The following CDH18 variants were observed in gnomAD, a reference collection of about 807,000 sequenced individuals.
CDH18 encodes the protein cadherin-18.
A neutral mutation model predicts 67.9 loss-of-function variants in CDH18; 31 were observed. The ratio of observed to expected loss-of-function variants is 0.46; its 90% confidence interval spans 0.34 to 0.62. The LOEUF is 0.62. Among genes scored for constraint, CDH18 ranks in the 20% least tolerant of loss-of-function variants. The probability of loss-of-function intolerance (pLI) is 0.01; values close to 1 mark genes in which losing one functional copy is unlikely to be tolerated. For missense variants in CDH18, 890 were observed against 975.5 expected (o/e 0.91, Z 1.17); for synonymous variants, 362 against 347.2 (o/e 1.04, Z -0.48).
intron 4 of CDH18, among the ~76,000 whole-genome samples, chr5:19,731,265 T>C (rs1468583506): frequency 6.6e-6 from 1 of 152,000 alleles, no homozygotes; most frequent in Non-Finnish European, 1.5e-5. Context: ...CTGGCTAACA[T>C]GGTGAAACCC....
intron 2 of CDH18, among the ~76,000 whole-genome samples, chr5:20,059,980 TG>T (rs1289162940): frequency 2.3e-5 from 2 of 86,164 alleles, no homozygotes; most frequent in East Asian, 7.6e-4. Flanking sequence ...TGTCGGGGGC[TG>T]GGGGGCTAGG....
At chr5:20,237,619 T>C (rs1343185217) in intron 2 of CDH18, among the ~76,000 whole-genome samples, 1 of 151,882 alleles carries the variant, frequency 6.6e-6, no homozygotes, top group African/African-American at 2.4e-5. Flanking sequence ...ATAAAATATC[T>C]GTACTATAAA....
chr5:20,009,377 A>G (rs543321124), intron 2 of CDH18, among the ~76,000 whole-genome samples: 2 of 152,254 alleles, frequency 1.3e-5, no homozygotes, highest in East Asian at 3.9e-4. Context: ...TAATAAATGT[A>G]ATAAATGTAC....
chr5:19,562,675 T>C (rs1405744406), intron 8 of CDH18, among the ~76,000 whole-genome samples: 1 of 152,218 alleles, frequency 6.6e-6, no homozygotes, highest in African/African-American at 2.4e-5. Context: ...GTTTATTTTA[T>C]AGGTAGTGCC....
chr5:20,261,107 T>C (rs1487111994), intron 1 of CDH18, among the ~76,000 whole-genome samples: 1 of 152,200 alleles, frequency 6.6e-6, no homozygotes, highest in Non-Finnish European at 1.5e-5. Context: ...ACATTAGGAA[T>C]CCATAAATTC....
At chr5:20,504,595 A>G (rs1754539860) in intron 1 of CDH18, among the ~76,000 whole-genome samples, 1 of 152,132 alleles carries the variant, frequency 6.6e-6, no homozygotes, top group South Asian at 2.1e-4. Context: ...AGAGATTGCT[A>G]TAATTAGTAT....
intron 2 of CDH18, among the ~76,000 whole-genome samples, chr5:19,846,459 G>A (rs1459881310): frequency 6.6e-6 from 1 of 151,944 alleles, no homozygotes; most frequent in Non-Finnish European, 1.5e-5. Flanking sequence ...TTCTGTTTTT[G>A]CCTATATATT....
chr5:20,293,179 T>TGG (rs1747233659), intron 1 of CDH18, among the ~76,000 whole-genome samples: 1 of 151,610 alleles, frequency 6.6e-6, no homozygotes, highest in Non-Finnish European at 1.5e-5. Flanking sequence ...TATCCGAGAG[T>TGG]GGTAGTGGGC....
intron 2 of CDH18, among the ~76,000 whole-genome samples, chr5:19,935,750 T>C (rs1794177607): frequency 1.3e-5 from 2 of 150,814 alleles, no homozygotes; most frequent in Non-Finnish European, 3.0e-5. Flanking sequence ...TCTTAATGTA[T>C]TGGTTGTTCA....
Position 19,741,239 on chromosome 5 carries a change from ATATATG to A in CDH18, c.523+5697_523+5702del, listed in dbSNP as rs1236561292. 9.2e-4 allele frequency among the ~76,000 whole-genome samples: 24 copies of A among 26,212 alleles called. No homozygotes were observed. The Non-Finnish European group carries it at 0.015, about 16-fold the overall frequency. 17.2% of individuals were successfully genotyped at this position (26,212 alleles called of 152,430 possible). A position where few individuals can be genotyped will look rare whatever the true frequency, so the allele number is the denominator to read the frequency against. ...TGTATATATACATGTATATATGTAC[ATATATG>A]TATGTATATATGTATACATATATAC... On this transcript the variant is annotated intron_variant, in intron 4 of 12. Coordinates refer to ENST00000382275, the MANE Select transcript of CDH18 (RefSeq NM_004934.5).
chr5:19,868,873 G>C (rs972415084), intron 2 of CDH18, among the ~76,000 whole-genome samples: 1 of 152,156 alleles, frequency 6.6e-6, no homozygotes. Context: ...AAGAGAAGAA[G>C]AAACCAGAGG....
At chr5:19,955,413 G>T (rs1356044399) in intron 2 of CDH18, among the ~76,000 whole-genome samples, 1 of 152,002 alleles carries the variant, frequency 6.6e-6, no homozygotes, top group East Asian at 1.9e-4. Context: ...CAAAAACACT[G>T]GGTATTTTAA....
rs574707696 is a variant in CDH18 at position 20,003,909 on chromosome 5, A to G, written c.-517-11895T>C. 9.8e-5 allele frequency among the ~76,000 whole-genome samples: 15 copies of G among 152,300 alleles called. No homozygotes were observed. The East Asian group carries it at 2.7e-3, about 27-fold the overall frequency. On this transcript the variant is annotated intron_variant, in intron 2 of 14. Coordinates refer to the CDH18 transcript ENST00000507958. ...GAGACTCCGTCTCAAAAAACAAACA[A>G]ACAAACAAAAACAAACAAACAAAAA...
chr5:20,291,849 AC>A (rs1747129682), intron 1 of CDH18, among the ~76,000 whole-genome samples: 3 of 152,272 alleles, frequency 2.0e-5, no homozygotes, highest in African/African-American at 7.2e-5. Flanking sequence ...TATTTTATTT[AC>A]TTTACCATAG....
intron 9 of CDH18, among the ~76,000 whole-genome samples, chr5:19,529,745 T>C (rs1188986184): frequency 2.0e-5 from 3 of 152,092 alleles, no homozygotes; most frequent in Non-Finnish European, 2.9e-5. Flanking sequence ...ATACGTGAAA[T>C]GTTTGTATGC....
intron 1 of CDH18, among the ~76,000 whole-genome samples, chr5:20,560,802 A>G (rs1446145324): frequency 2.0e-5 from 3 of 152,108 alleles, no homozygotes; most frequent in Non-Finnish European, 4.4e-5. Context: ...TTCTTAAGTT[A>G]CATGCAATAT....
chr5:20,513,910 TA>T (rs1382276097), intron 1 of CDH18, among the ~76,000 whole-genome samples: 1 of 152,078 alleles, frequency 6.6e-6, no homozygotes, highest in East Asian at 1.9e-4. Flanking sequence ...TCCTAGAAAA[TA>T]GTTTAAAGCT....
intron 1 of CDH18, among the ~76,000 whole-genome samples, chr5:20,263,648 T>C (rs1358342510): frequency 2.0e-5 from 3 of 152,204 alleles, no homozygotes; most frequent in Non-Finnish European, 4.4e-5. Flanking sequence ...TAACAAATGT[T>C]CTCACAGTGT....
At chr5:20,247,921 G>C in intron 2 of CDH18, among the ~76,000 whole-genome samples, 1 of 151,988 alleles carries the variant, frequency 6.6e-6, no homozygotes, top group East Asian at 1.9e-4. Context: ...CACATATTTA[G>C]AAACAAGAAA....
Sources: gnomAD v4.1 joint callset for allele counts (sites outside exome capture counted in the v4.1 genomes callset) on GRCh38, gnomAD v4.1.1 for gene constraint, MANE v1.5 for transcripts, NCBI Gene and HGNC (gene_info 2026-07-23, HGNC 2026-07-21) for gene names.